The following DAB1 variants were observed in gnomAD, a reference collection of about 807,000 sequenced individuals.
The protein encoded by DAB1 is disabled homolog 1.
A neutral mutation model predicts 64.6 loss-of-function variants in DAB1; 15 were observed. The observed-to-expected ratio is 0.23, with a 90% confidence interval of 0.16 to 0.36. DAB1 has a LOEUF of 0.36. Among genes scored for constraint, DAB1 ranks in the 10% least tolerant of loss-of-function variants. The pLI is 1.00. For missense variants in DAB1, 596 were observed against 706.7 expected (o/e 0.84, Z 1.78); for synonymous variants, 235 against 251.9 (o/e 0.93, Z 0.64).
chr1:57,153,316 G>T (rs1012998573), intron 2 of DAB1, among the ~76,000 whole-genome samples: 1 of 151,890 alleles, frequency 6.6e-6, no homozygotes, highest in African/African-American at 2.4e-5. Flanking sequence ...ATGAGCCACC[G>T]CACCCAGCCC....
intron 6 of DAB1, among the ~76,000 whole-genome samples, chr1:57,693,898 A>G (rs1278115692): frequency 6.6e-6 from 1 of 152,172 alleles, no homozygotes; most frequent in Admixed American, 6.5e-5. Flanking sequence ...AATTCCAGAC[A>G]CACTATGAGT....
At chr1:57,696,084 C>A (rs916954677) in intron 6 of DAB1, among the ~76,000 whole-genome samples, 1 of 152,070 alleles carries the variant, frequency 6.6e-6, no homozygotes, top group South Asian at 2.1e-4. Flanking sequence ...TTTTTTCCTC[C>A]TCTTCCTCCT....
intron 4 of DAB1, among the ~76,000 whole-genome samples, chr1:58,176,468 T>C (rs959861608): frequency 6.6e-6 from 1 of 152,164 alleles, no homozygotes. Context: ...ACAGAATACC[T>C]GGGACTGAGT....
chr1:58,424,365 C>T (rs1235944342), intron 3 of DAB1, among the ~76,000 whole-genome samples: 1 of 152,174 alleles, frequency 6.6e-6, no homozygotes, highest in African/African-American at 2.4e-5. Context: ...CCATCATAAA[C>T]ACACCCATAA....
chr1:58,475,076 C>T (rs191759379), intron 3 of DAB1, among the ~76,000 whole-genome samples: 1 of 152,132 alleles, frequency 6.6e-6, no homozygotes. Context: ...CAGATTTAAA[C>T]ATTAGAATGT....
chr1:58,454,085 C>T (rs1645166383), intron 3 of DAB1, among the ~76,000 whole-genome samples: 1 of 152,152 alleles, frequency 6.6e-6, no homozygotes, highest in African/African-American at 2.4e-5. Context: ...TCAATTGGCT[C>T]AGCCCAACTT....
At chr1:57,488,846 AAATAAT>A (rs1274243381) in intron 7 of DAB1, among the ~76,000 whole-genome samples, 3 of 152,222 alleles carry the variant, frequency 2.0e-5, no homozygotes, top group Non-Finnish European at 4.4e-5. Context: ...CACAAAATGA[AAATAAT>A]AATAATATCG....
chr1:57,071,433 C>T (rs1414435414), intron 6 of DAB1, 89 bp downstream of exon 6: 1 of 1,439,114 alleles, frequency 6.9e-7, no homozygotes, highest in Admixed American at 2.3e-5. Context: ...TTCTACTTGG[C>T]AGCAGGAAGA....
chr1:58,067,682 T>A (rs771557040), intron 5 of DAB1, among the ~76,000 whole-genome samples: 43 of 152,226 alleles, frequency 2.8e-4, no homozygotes, highest in Non-Finnish European at 4.0e-4. Context: ...AGATACAGTC[T>A]ATGGGATAAG....
At chr1:57,508,286 G>A (rs12063594) in intron 7 of DAB1, among the ~76,000 whole-genome samples, 10,207 of 152,208 alleles carry the variant, frequency 0.067, 1,159 homozygotes, top group African/African-American at 0.23. Context: ...AATGCCTGAT[G>A]AGGGCAGAGG....
intron 1 of DAB1, chr1:57,878,717 T>C (rs1026589384): frequency 1.3e-5 from 2 of 152,202 alleles, no homozygotes; most frequent in Admixed American, 6.5e-5. Flanking sequence ...TTTGAAATTA[T>C]GCAATAAAAT....
chr1:58,109,506 G>A (rs545331178), intron 5 of DAB1, among the ~76,000 whole-genome samples: 2 of 152,092 alleles, frequency 1.3e-5, no homozygotes, highest in Admixed American at 6.6e-5. Flanking sequence ...GAGAACTAAT[G>A]GATCAACTCC....
chr1:57,679,684 C>T (rs1392952478), intron 6 of DAB1, among the ~76,000 whole-genome samples: 3 of 152,138 alleles, frequency 2.0e-5, no homozygotes, highest in Non-Finnish European at 4.4e-5. Context: ...TAGCATATTC[C>T]AGGCCATCAT....
At chr1:57,710,249 T>C (rs1647012264) in intron 6 of DAB1, among the ~76,000 whole-genome samples, 1 of 152,228 alleles carries the variant, frequency 6.6e-6, no homozygotes. Flanking sequence ...AAGCCTCGGT[T>C]GAAGGTGTAT....
chr1:58,108,786 A>G (rs1651808246), intron 5 of DAB1, among the ~76,000 whole-genome samples: 2 of 152,232 alleles, frequency 1.3e-5, no homozygotes, highest in South Asian at 4.1e-4. Context: ...AATGACATAC[A>G]GATGCCCCAA....
chr1:57,887,107 A>T (rs551405453), upstream of DAB1, among the ~76,000 whole-genome samples: 10 of 152,270 alleles, frequency 6.6e-5, no homozygotes, highest in East Asian at 1.9e-3. Flanking sequence ...AAATTGAAGA[A>T]CTCAAGGTCT....
intron 2 of DAB1, among the ~76,000 whole-genome samples, chr1:57,271,837 T>C (rs1458016816): frequency 2.0e-5 from 3 of 152,178 alleles, no homozygotes; most frequent in Non-Finnish European, 4.4e-5. Context: ...ATCACTACTG[T>C]CACACTGATT....
intron 5 of DAB1, among the ~76,000 whole-genome samples, chr1:58,133,854 G>A (rs1017606449): frequency 6.6e-6 from 1 of 152,174 alleles, no homozygotes; most frequent in Non-Finnish European, 1.5e-5. Flanking sequence ...CTTGTAATGA[G>A]CAACATTGCC....
At chr1:57,430,905 AAAG>A (rs1242324986) in intron 7 of DAB1, among the ~76,000 whole-genome samples, 1 of 17,186 alleles carries the variant, frequency 5.8e-5, no homozygotes, top group African/African-American at 1.3e-4. Context: ...ATTGGCAGAG[AAAG>A]AAAAAAAAAA....
Sources: gnomAD v4.1 joint callset for allele counts (sites outside exome capture counted in the v4.1 genomes callset) on GRCh38, gnomAD v4.1.1 for gene constraint, MANE v1.5 for transcripts, NCBI Gene and HGNC (gene_info 2026-07-23, HGNC 2026-07-21) for gene names.